Variants in UPB1 observed in about 807,000 individuals in gnomAD.
UPB1 encodes the protein beta-ureidopropionase.
UPB1 carries 40 observed loss-of-function variants against 49.1 expected under a neutral mutation model. The observed-to-expected ratio is 0.81, with a 90% CI of 0.63 to 1.06. UPB1 has a LOEUF of 1.06. Among genes scored for constraint, UPB1 ranks in the 50% least tolerant of loss-of-function variants. The pLI, the probability that UPB1 is intolerant of heterozygous loss-of-function variation, is 0.00. For missense variants in UPB1, 499 were observed against 505.9 expected (o/e 0.99, Z 0.13); for synonymous variants, 207 against 198.2 (o/e 1.04, Z -0.38).
At chr22:24,507,894 ACACCTGG>A (rs1427854066) in intron 3 of UPB1, among the ~76,000 whole-genome samples, 1 of 151,962 alleles carries the variant, frequency 6.6e-6, no homozygotes, top group African/African-American at 2.4e-5. Context: ...CTTGAATGTC[ACACCTGG>A]TCAAACCAAT....
At position 24,495,543 on chromosome 22, in the gene UPB1, G is replaced by A. The variant is rs770336967; in HGVS notation, c.104+36G>A. ...AAGAGGCTAAGCTAATGGGGTCTTG[G>A]GGCCACAGAGTGTGGGTCTGGGGGA... On this transcript the variant is annotated intron_variant, in intron 1 of 9. Coordinates refer to ENST00000326010, the MANE Select transcript of UPB1 (RefSeq NM_016327.3). The A allele has an allele frequency of 3.1e-6, 5 of 1,609,902 alleles. No individual in the cohort carries two copies. In the South Asian group the frequency reaches 5.5e-5, roughly 18 times the overall value.
intron 1 of UPB1, among the ~76,000 whole-genome samples, chr22:24,496,386 C>T (rs1396338255): frequency 7.3e-6 from 1 of 137,556 alleles, no homozygotes; most frequent in Non-Finnish European, 1.5e-5. Context: ...CACACACACA[C>T]ACACACACAC....
Position 24,513,541 on chromosome 22 carries a change from G to A in UPB1, c.621+56G>A, listed in dbSNP as rs1424225860. The A allele has an allele frequency of 3.2e-6, 5 of 1,578,562 alleles. No individual in the cohort carries two copies. In the African/African-American group the frequency reaches 4.1e-5, roughly 13 times the overall value. On this transcript the variant is annotated intron_variant, in intron 5 of 9. Coordinates refer to ENST00000326010, the MANE Select transcript of UPB1 (RefSeq NM_016327.3). The stretch of plus-strand genomic sequence containing the variant: ...CTGCTCACTTGCCCCTCTGTATGTT[G>A]TAGATCTCTGTGGGACTTTCTGTGG...
In UPB1 at chr22:24,515,248, G is replaced by T; in HGVS notation, c.669G>T (p.Thr223=). 6.2e-7 allele frequency: 1 copy of T among 1,614,164 alleles called. No homozygotes were observed. The highest frequency in any genetic ancestry group is 8.5e-7 in the Non-Finnish European group (1 of 1,180,026). Residue 223 remains threonine (T), a synonymous_variant, in exon 6 of 10, where the codon ACG becomes ACT. Transcript: ENST00000326010. ...ACCTGGGCCACCCCGTGTTCCAGAC[G>T]CAGTTCGGAAGGATCGCGGTGAACA... ...EGNLGHPVFQ[T]QFGRIAVNIC...
chr22:24,504,057 CT>C (rs1223157518), intron 3 of UPB1, among the ~76,000 whole-genome samples: 2 of 152,220 alleles, frequency 1.3e-5, no homozygotes, highest in East Asian at 1.9e-4. Context: ...GAGGGACCCC[CT>C]GGTCACGGGT....
rs781211051 is a variant in UPB1, at chr22:24,521,976, T to TA, written c.874-9dup. On this transcript the variant is annotated splice_polypyrimidine_tract_variant and intron_variant, in intron 7 of 9. Transcript: ENST00000326010. ...CTATAGGTTCCTCTTACCTTGGTCTTATTTCACAGGAGCACTTCCCGAACG... is the reference window on the plus strand; with the variant it reads ...CTATAGGTTCCTCTTACCTTGGTCTTAATTTCACAGGAGCACTTCCCGAACG... 84 of 1,614,112 alleles carry TA rather than the reference T, an allele frequency of 5.2e-5. No homozygotes were observed. In the African/African-American group the frequency reaches 8.1e-4, roughly 16 times the overall value.
At chr22:24,497,647 A>C (rs1276554033) in intron 1 of UPB1, among the ~76,000 whole-genome samples, 1 of 152,196 alleles carries the variant, frequency 6.6e-6, no homozygotes, top group African/African-American at 2.4e-5. Context: ...AGAGGGTCTG[A>C]AAGCCAACTA....
At chr22:24,512,340 G>A (rs775883790) in intron 4 of UPB1, among the ~76,000 whole-genome samples, 13 of 152,172 alleles carry the variant, frequency 8.5e-5, no homozygotes, top group Non-Finnish European at 1.6e-4. Context: ...TGCCTTCTGA[G>A]CATGCCTCTC....
chr22:24,510,991 G>C, intron 4 of UPB1, 148 bp downstream of exon 4: 1 of 771,886 alleles, frequency 1.3e-6, no homozygotes, highest in Non-Finnish European at 2.1e-6. Flanking sequence ...AAGACTATCT[G>C]CCACTTTTTT....
chr22:24,527,709 G>T lies in UPB1; in HGVS notation c.*1915G>T, dbSNP rs1010874950. On this transcript the variant is annotated 3_prime_UTR_variant, in exon 10 of 10. Coordinates refer to ENST00000326010, the MANE Select transcript of UPB1 (RefSeq NM_016327.3). ...ACAGCCACCAAGGATGAGAAACCCT[G>T]ATGGAGCTGCCTGGCCACAGCTCTG... 5 of 151,998 alleles carry T rather than the reference G, an allele frequency of 3.3e-5. No homozygotes were observed. The highest frequency in any genetic ancestry group is 4.8e-5 in the African/African-American group (2 of 41,354). The allele number at this position is 151,998 out of a possible 1,614,324, so 9.4% of individuals were successfully genotyped here.
At chr22:24,512,564 G>C (rs968510102) in intron 4 of UPB1, among the ~76,000 whole-genome samples, 4 of 151,958 alleles carry the variant, frequency 2.6e-5, no homozygotes, top group African/African-American at 7.3e-5. Context: ...CATATAAAAT[G>C]TACTATTTTA....
At chr22:24,502,575 C>G (rs1175469977) in intron 3 of UPB1, 1 of 768,514 alleles carries the variant, frequency 1.3e-6, no homozygotes, top group Non-Finnish European at 2.4e-6. Context: ...AGAGCCAGCC[C>G]CCCCATCTAA....
In UPB1 at chr22:24,520,388, G is replaced by A. The variant is rs755117985; in HGVS notation, c.793G>A (p.Glu265Lys). Reference sequence around the variant, plus strand: ...GTTCCTCTTGGTCCTCTCTTACAGCGAGTCCCTGTGGCCCATCGAGGCCAG... The same window carrying A: ...GTTCCTCTTGGTCCTCTCTTACAGCAAGTCCCTGTGGCCCATCGAGGCCAG... ...NPSATIGALS[E>K]SLWPIEARNA... Residue 265 changes from glutamate to lysine, a missense_variant and splice_region_variant, in exon 7 of 10, where the codon GAG (glutamate) becomes AAG (lysine). Glu to Lys is a moderately conservative substitution (Grantham distance 56, BLOSUM62 1). Transcript: ENST00000326010. 17 of 1,614,016 alleles carry A rather than the reference G, an allele frequency of 1.1e-5. No individual in the cohort carries two copies. In the East Asian group the frequency reaches 1.1e-4, roughly 11 times the overall value.
chr22:24,498,385 G>A (rs1025318597), intron 1 of UPB1, among the ~76,000 whole-genome samples: 3 of 152,184 alleles, frequency 2.0e-5, no homozygotes, highest in South Asian at 2.1e-4. Context: ...TTGAGGATTG[G>A]TTAGGTTCTC....
chr22:24,520,678 C>T (rs573442351), intron 7 of UPB1, among the ~76,000 whole-genome samples: 7 of 152,324 alleles, frequency 4.6e-5, no homozygotes, highest in African/African-American at 1.4e-4. Flanking sequence ...TTTGACATGG[C>T]AGTTCTCACC....
chr22:24,515,666 G>T (rs1878511535), intron 6 of UPB1, among the ~76,000 whole-genome samples: 1 of 152,202 alleles, frequency 6.6e-6, no homozygotes, highest in African/African-American at 2.4e-5. Context: ...CCTGTAGTCA[G>T]CAGGGGGCTT....
intron 3 of UPB1, chr22:24,503,218 G>A (rs1240908740): frequency 1.3e-5 from 2 of 152,248 alleles, no homozygotes; most frequent in Admixed American, 1.3e-4. Flanking sequence ...CCCTTAATGT[G>A]TTTTAGACGC....
intron 7 of UPB1, 43 bp downstream of exon 7, chr22:24,520,511 T>C (rs759516839): frequency 6.2e-7 from 1 of 1,604,100 alleles, no homozygotes; most frequent in East Asian, 2.3e-5. Context: ...CACCACCTGG[T>C]GGCTCTGGTG....
chr22:24,501,244 G>A (rs923718128), intron 2 of UPB1, among the ~76,000 whole-genome samples: 1 of 152,212 alleles, frequency 6.6e-6, no homozygotes, highest in African/African-American at 2.4e-5. Flanking sequence ...GCCATGGGGT[G>A]CACAGCCTCT....
Sources: allele counts gnomAD v4.1 joint callset (sites outside exome capture counted in the v4.1 genomes callset), GRCh38; gene constraint gnomAD v4.1.1; transcripts MANE v1.5; gene names NCBI Gene and HGNC (gene_info 2026-07-23, HGNC 2026-07-21).